The following OXR1 variants were observed in gnomAD, a reference collection of about 807,000 sequenced individuals.
The protein encoded by OXR1 is oxidation resistance 1, also known as oxidation resistance protein 1.
In OXR1, 41 loss-of-function variants were observed where a neutral mutation model predicts 104.6. The ratio of observed to expected loss-of-function variants is 0.39; its 90% CI spans 0.31 to 0.51. OXR1 has a LOEUF of 0.51. Among genes scored for constraint, OXR1 ranks in the 20% least tolerant of loss-of-function variants. OXR1 has a pLI of 0.77. For missense variants in OXR1, 955 were observed against 1,031.9 expected, an observed-to-expected ratio of 0.93 and a Z score of 1.02; for synonymous variants, 348 against 348.4, an observed-to-expected ratio of 1.00 and a Z score of 0.01.
chr8:106,346,636 C>T (rs6985945), intron 1 of OXR1, among the ~76,000 whole-genome samples: 3,099 of 151,872 alleles, frequency 0.02, 100 homozygotes, highest in African/African-American at 0.071. Flanking sequence ...TTTTCCATCC[C>T]TAATTCATTT....
At chr8:106,586,770 C>T (rs1818662097) in intron 3 of OXR1, among the ~76,000 whole-genome samples, 2 of 151,774 alleles carry the variant, frequency 1.3e-5, no homozygotes, top group South Asian at 2.1e-4. Context: ...GTCCTGGGGG[C>T]GAGTGAGGAA....
At chr8:106,663,325 G>GA (rs1377310731) in intron 3 of OXR1, among the ~76,000 whole-genome samples, 2 of 152,144 alleles carry the variant, frequency 1.3e-5, no homozygotes, top group African/African-American at 2.4e-5. Flanking sequence ...TGAGATAGGG[G>GA]AAAAATGTGA....
chr8:106,708,682 AT>A lies in OXR1; in HGVS notation c.1624+1541del, dbSNP rs375081029. On this transcript the variant is annotated intron_variant, in intron 9 of 16. Coordinates refer to ENST00000517566, the MANE Select transcript of OXR1 (RefSeq NM_001198533.2). ...TTTGTCTGTTCATTTGTTGCTGGACATTTTGGTTGTTTCAACCTTTTGGCTA... is the reference window on the plus strand; with the variant it reads ...TTTGTCTGTTCATTTGTTGCTGGACATTTGGTTGTTTCAACCTTTTGGCTA... Among the ~76,000 whole-genome samples, 348 of 152,262 alleles carry A rather than the reference AT, an allele frequency of 2.3e-3. 1 individual carries two copies. The highest frequency in any genetic ancestry group is 7.8e-3 in the African/African-American group (323 of 41,548).
intron 3 of OXR1, among the ~76,000 whole-genome samples, chr8:106,537,781 T>A (rs1814654832): frequency 6.6e-6 from 1 of 151,980 alleles, no homozygotes; most frequent in Non-Finnish European, 1.5e-5. Context: ...AGACTTGACG[T>A]AGATAGGTTC....
intron 3 of OXR1, among the ~76,000 whole-genome samples, chr8:106,589,225 A>T: frequency 6.6e-6 from 1 of 152,012 alleles, no homozygotes; most frequent in East Asian, 1.9e-4. Context: ...TAAAATGGCC[A>T]TTGTCTCAAG....
intron 2 of OXR1, among the ~76,000 whole-genome samples, chr8:106,404,451 T>A (rs188965201): frequency 1.1e-4 from 17 of 152,326 alleles, no homozygotes; most frequent in Admixed American, 2.6e-4. Context: ...TTCAGCCAGC[T>A]GCAAGATGAG....
At chr8:106,296,630 T>C (rs2938302) in intron 1 of OXR1, among the ~76,000 whole-genome samples, 97,247 of 152,036 alleles carry the variant, frequency 0.64, 33,039 homozygotes, top group African/African-American at 0.89. Flanking sequence ...TGAACTCTAG[T>C]GATCACCTGT....
rs575953498 is a variant in OXR1, at chr8:106,599,884, A to G, written c.221-79326A>G. ...GGTTTCTGGATGAAACTGTTCCACC[A>G]CAGATGATCAGGCATTAGATTCTTA... is the stretch of plus-strand genomic sequence containing the variant. On this transcript the variant is annotated intron_variant, in intron 3 of 16. Coordinates refer to ENST00000517566, the MANE Select transcript of OXR1 (RefSeq NM_001198533.2). Among the ~76,000 whole-genome samples, 5 of 151,902 alleles carry G rather than the reference A, an allele frequency of 3.3e-5. No homozygotes were observed. In the South Asian group the frequency reaches 1.0e-3, roughly 31 times the overall value.
intron 3 of OXR1, among the ~76,000 whole-genome samples, chr8:106,526,745 G>A (rs1278476673): frequency 2.6e-5 from 4 of 152,136 alleles, no homozygotes; most frequent in South Asian, 2.1e-4. Flanking sequence ...GGTTTTCACT[G>A]TGTTAGCCAG....
At chr8:106,723,815 G>A (rs1185301690) in intron 11 of OXR1, among the ~76,000 whole-genome samples, 1 of 151,916 alleles carries the variant, frequency 6.6e-6, no homozygotes, top group Non-Finnish European at 1.5e-5. Context: ...TTTGAGAAAG[G>A]GTCTTGCTGT....
chr8:106,494,251 G>T (rs1811279466), intron 2 of OXR1, among the ~76,000 whole-genome samples: 1 of 152,070 alleles, frequency 6.6e-6, no homozygotes, highest in Non-Finnish European at 1.5e-5. Flanking sequence ...AGGAGCTGAG[G>T]ATTCTGTAGC....
chr8:106,528,195 G>T (rs377083984), intron 3 of OXR1, among the ~76,000 whole-genome samples: 15 of 151,792 alleles, frequency 9.9e-5, no homozygotes, highest in African/African-American at 3.6e-4. Context: ...TAAAATGAAT[G>T]GTCTTTTGTG....
chr8:106,373,051 C>T (rs1009001281), intron 2 of OXR1, among the ~76,000 whole-genome samples: 1 of 152,164 alleles, frequency 6.6e-6, no homozygotes, highest in Non-Finnish European at 1.5e-5. Context: ...ACAGCAAGTA[C>T]TATGTTGAAT....
At chr8:106,286,714 A>C (rs556840721) in intron 1 of OXR1, among the ~76,000 whole-genome samples, 10 of 152,204 alleles carry the variant, frequency 6.6e-5, no homozygotes, top group Non-Finnish European at 1.3e-4. Flanking sequence ...GATGAATCCT[A>C]GTTACAGCTT....
At chr8:106,288,815 A>G (rs1812621691) in intron 1 of OXR1, among the ~76,000 whole-genome samples, 1 of 150,910 alleles carries the variant, frequency 6.6e-6, no homozygotes, top group South Asian at 2.1e-4. Context: ...TTCTTAAGAT[A>G]CCTGCATAAT....
At chr8:106,535,672 T>C (rs1197840070) in intron 3 of OXR1, among the ~76,000 whole-genome samples, 2 of 152,110 alleles carry the variant, frequency 1.3e-5, no homozygotes, top group African/African-American at 4.8e-5. Context: ...AACCCTATTA[T>C]AAAGTTACAT....
chr8:106,316,691 T>TTCTATCTATCTATCTATCTA (rs10610619), intron 1 of OXR1, among the ~76,000 whole-genome samples: 216 of 132,350 alleles, frequency 1.6e-3, no homozygotes, highest in Middle Eastern at 4.0e-3. Flanking sequence ...CTCTCTTTTT[T>TTCTATCTATCTATCTATCTA]TCTATCTATC....
At chr8:106,591,119 G>A (rs1280281646) in intron 3 of OXR1, among the ~76,000 whole-genome samples, 2 of 151,782 alleles carry the variant, frequency 1.3e-5, no homozygotes, top group Non-Finnish European at 2.9e-5. Flanking sequence ...AAAAAAGGAT[G>A]AGTTCTTGTC....
At chr8:106,424,611 A>T (rs1328963339) in intron 2 of OXR1, among the ~76,000 whole-genome samples, 1 of 152,114 alleles carries the variant, frequency 6.6e-6, no homozygotes, top group Admixed American at 6.6e-5. Context: ...ATTTTCCAAC[A>T]TCTAAAATTA....
Sources: allele counts gnomAD v4.1 joint callset (sites outside exome capture counted in the v4.1 genomes callset), GRCh38; gene constraint gnomAD v4.1.1; transcripts MANE v1.5; gene names NCBI Gene and HGNC (gene_info 2026-07-23, HGNC 2026-07-21).